Variants in C10orf71 observed in about 807,000 individuals in gnomAD.
The protein encoded by C10orf71 is cardiac-enriched FHL2-interacting protein.
For missense variants in C10orf71, 1,869 were observed against 1,804.5 expected (o/e 1.04, Z -0.65); for synonymous variants, 758 against 726.3 (o/e 1.04, Z -0.70).
upstream of C10orf71, among the ~76,000 whole-genome samples, chr10:49,298,340 AG>A (rs1346890583): frequency 2.0e-5 from 3 of 152,292 alleles, no homozygotes; most frequent in African/African-American, 4.8e-5. Flanking sequence ...TTGGAGAGAA[AG>A]GGGGAAAAAA....
Position 49,326,511 on chromosome 10 carries a change from G to T in C10orf71, c.3966G>T (p.Pro1322=), listed in dbSNP as rs1195206984. 1.9e-6 allele frequency: 3 copies of T among 1,549,972 alleles called. No individual in the cohort carries two copies. The highest frequency in any genetic ancestry group is 4.9e-5 in the East Asian group (2 of 40,880). ...CCTCCGAGGGGGCCTCCCCAGAGCC[G>T]CCCCCACCGGACGCCCTGGCCGCTC... ...IPSSEGASPE[P]PPPDALAAPY... The change falls in exon 3 of 3, where the codon CCG becomes CCT. Residue 1322 remains proline, a synonymous_variant. Transcript: ENST00000374144.
intron 1 of C10orf71, among the ~76,000 whole-genome samples, chr10:49,314,395 T>C (rs903269249): frequency 1.3e-5 from 2 of 152,232 alleles, no homozygotes; most frequent in Middle Eastern, 3.2e-3. Context: ...TCATGCTGCC[T>C]GAAGGGAACA....
chr10:49,323,136 G>A lies in C10orf71; in HGVS notation c.591G>A (p.Arg197=), dbSNP rs565573377. 1 of 1,613,964 alleles carries A rather than the reference G, an allele frequency of 6.2e-7. No homozygotes were observed. Among genetic ancestry groups the A allele is most frequent in the East Asian group, 2.2e-5 (1 of 44,872 alleles). The change falls in exon 3 of 3, where the codon AGG becomes AGA. Residue 197 remains arginine, a synonymous_variant. Coordinates refer to ENST00000374144, the MANE Select transcript of C10orf71 (RefSeq NM_001135196.2). ...CFDSAFLTVR[R]VPAEVSNTHQ... is the part of the protein sequence containing the mutation. ...ATTCTGCCTTTCTGACAGTCAGGAG[G>A]GTGCCCGCTGAAGTTTCCAACACCC...
In C10orf71 at chr10:49,326,307, C is replaced by G. The variant is rs1337570917; in HGVS notation, c.3762C>G (p.Val1254=). The change falls in exon 3 of 3, where the codon GTC becomes GTG. Residue 1254 remains valine (V), a synonymous_variant. Coordinates refer to ENST00000374144, the MANE Select transcript of C10orf71 (RefSeq NM_001135196.2). ...CCGTGTCCGGCTTCTCGGAGCCTGT[C>G]GGGAGGCGGCCCGGGGGCCCCCAGT... ...RHSVSGFSEP[V]GRRPGGPQSL... is the part of the protein sequence containing the mutation. The G allele has an allele frequency of 1.3e-5, 20 of 1,549,568 alleles. No homozygotes were observed. The highest frequency in any genetic ancestry group is 1.7e-5 in the Non-Finnish European group (20 of 1,146,402).
rs538923366 is a variant in C10orf71, at chr10:49,326,483, C to A, written c.3938C>A (p.Pro1313Gln). 9 of 1,550,228 alleles carry A rather than the reference C, an allele frequency of 5.8e-6. No homozygotes were observed. The highest frequency in any genetic ancestry group is 7.0e-6 in the Non-Finnish European group (8 of 1,146,694). The change falls in exon 3 of 3, where the codon CCG becomes CAG. Residue 1313 changes from proline to glutamine, a missense_variant. Transcript: ENST00000374144. ...ETGKYVKVSIPSSEGASPEPP... is the reference protein window; with the variant it reads ...ETGKYVKVSIQSSEGASPEPP... Reference sequence around the variant, plus strand: ...GGCAAGTATGTCAAGGTCTCCATCCCGTCCTCCGAGGGGGCCTCCCCAGAG... The same window carrying A: ...GGCAAGTATGTCAAGGTCTCCATCCAGTCCTCCGAGGGGGCCTCCCCAGAG...
upstream of C10orf71, among the ~76,000 whole-genome samples, chr10:49,298,502 G>A (rs2132389162): frequency 6.6e-6 from 1 of 152,194 alleles, no homozygotes; most frequent in East Asian, 1.9e-4. Context: ...TGGGGAGCAG[G>A]TGACCCCAGC....
At position 49,326,836 on chromosome 10, in the gene C10orf71, A is replaced by G. The variant is rs1259319840; in HGVS notation, c.4291A>G (p.Thr1431Ala). 2 of 1,541,838 alleles carry G rather than the reference A, an allele frequency of 1.3e-6. No homozygotes were observed. The highest frequency in any genetic ancestry group is 1.2e-5 in the South Asian group (1 of 83,920). ...ISTDDLEDFA[T>A]EGIS ...CACTGATGACCTAGAGGACTTTGCC[A>G]CAGAAGGCATTTCTTGAGTTACTGC... Residue 1431 changes from threonine (T) to alanine (A), a missense_variant, in exon 3 of 3, where the codon ACA becomes GCA. Thr to Ala is a moderately conservative substitution (Grantham distance 58, BLOSUM62 0). Transcript: ENST00000374144.
chr10:49,327,072 C>A lies in C10orf71; in HGVS notation c.*219C>A. 6.6e-7 allele frequency: 1 copy of A among 1,505,110 alleles called. No homozygotes were observed. Among genetic ancestry groups the A allele is most frequent in the South Asian group, 1.2e-5 (1 of 80,684 alleles). The allele number at this position is 1,505,110 out of a possible 1,614,324, so 93.2% of individuals were successfully genotyped here. On this transcript the variant is annotated 3_prime_UTR_variant, in exon 3 of 3. Transcript: ENST00000374144. ...CCCTGGCTCTCCTCTGATGGAGGGG[C>A]ACTGCTTGCTTGGCCCGGTCCCCTC...
At chr10:49,301,196 G>A (rs998208828) in intron 1 of C10orf71, among the ~76,000 whole-genome samples, 2 of 152,202 alleles carry the variant, frequency 1.3e-5, no homozygotes, top group African/African-American at 2.4e-5. Context: ...GGTTACTGGA[G>A]GGAAGCAAAG....
intron 2 of C10orf71, among the ~76,000 whole-genome samples, chr10:49,316,830 A>T (rs969185776): frequency 7.9e-5 from 12 of 152,182 alleles, no homozygotes; most frequent in Non-Finnish European, 1.3e-4. Flanking sequence ...GAGCCTCTGC[A>T]GGCACCTTGA....
chr10:49,326,649 C>T lies in C10orf71; in HGVS notation c.4104C>T (p.Ser1368=), dbSNP rs1307081985. 4 of 1,550,090 alleles carry T rather than the reference C, an allele frequency of 2.6e-6. No homozygotes were observed. Among genetic ancestry groups the T allele is most frequent in the East Asian group, 2.4e-5 (1 of 40,894 alleles). Residue 1368 remains serine, a synonymous_variant, in exon 3 of 3, where the codon TCC becomes TCT. Coordinates refer to ENST00000374144, the MANE Select transcript of C10orf71 (RefSeq NM_001135196.2). ...PTFLRQGPRA[S]AARARTQSVH... ...TCCTCAGGCAGGGCCCTCGTGCCTC[C>T]GCGGCCCGCGCCAGGACCCAGAGTG...
rs770056621 is a variant in C10orf71 at position 49,324,694 on chromosome 10, G to A, written c.2149G>A (p.Asp717Asn). Residue 717 changes from aspartate to asparagine, a missense_variant, in exon 3 of 3, where the codon GAT becomes AAT. By Grantham distance (23) the Asp-to-Asn change is conservative. Coordinates refer to ENST00000374144, the MANE Select transcript of C10orf71 (RefSeq NM_001135196.2). The stretch of plus-strand genomic sequence containing the variant: ...TGTGTTTTACAGTGACAGCCAATCC[G>A]ATTTTATGCCAAGCCTCAAAGGTAA... ...EDVFYSDSQS[D>N]FMPSLKGKAK... The A allele has an allele frequency of 2.6e-5, 41 of 1,607,018 alleles. No individual in the cohort carries two copies. In the East Asian group the frequency reaches 2.7e-4, roughly 11 times the overall value.
rs1332624670 is a variant in C10orf71, at chr10:49,325,288, G to A, written c.2743G>A (p.Gly915Ser). The A allele has an allele frequency of 6.4e-7, 1 of 1,551,608 alleles. No individual in the cohort carries two copies. The highest frequency in any genetic ancestry group is 1.4e-5 in the African/African-American group (1 of 73,038). Residue 915 changes from glycine (G) to serine (S), a missense_variant, in exon 3 of 3, where the codon GGT becomes AGT. By Grantham distance (56) the Gly-to-Ser change is moderately conservative (BLOSUM62 0). Coordinates refer to ENST00000374144, the MANE Select transcript of C10orf71 (RefSeq NM_001135196.2). Reference protein sequence around the residue: ...FCAPENQDILGTSTPTNTRGT... With the variant: ...FCAPENQDILSTSTPTNTRGT... ...TGCCCCCGAAAACCAGGACATTCTT[G>A]GTACATCGACACCCACTAACACACG...
chr10:49,297,781 T>A (rs1848661515), upstream of C10orf71, among the ~76,000 whole-genome samples: 1 of 152,234 alleles, frequency 6.6e-6, no homozygotes, highest in African/African-American at 2.4e-5. Flanking sequence ...CTCAAGTTGA[T>A]GGCTTTTGTC....
chr10:49,305,434 G>A (rs1848796329), intron 1 of C10orf71, among the ~76,000 whole-genome samples: 1 of 152,180 alleles, frequency 6.6e-6, no homozygotes, highest in Non-Finnish European at 1.5e-5. Flanking sequence ...TAACTCCTGT[G>A]TAATGAGGCT....
Position 49,326,477 on chromosome 10 carries a change from C to T in C10orf71, c.3932C>T (p.Ser1311Phe), listed in dbSNP as rs1446933970. 6.5e-7 allele frequency: 1 copy of T among 1,550,094 alleles called. No individual in the cohort carries two copies. Among genetic ancestry groups the T allele is most frequent in the Non-Finnish European group, 8.7e-7 (1 of 1,146,700 alleles). Reference sequence around the variant, plus strand: ...GAGACGGGCAAGTATGTCAAGGTCTCCATCCCGTCCTCCGAGGGGGCCTCC... The same window carrying T: ...GAGACGGGCAAGTATGTCAAGGTCTTCATCCCGTCCTCCGAGGGGGCCTCC... The part of the protein sequence containing the change: ...DPETGKYVKV[S>F]IPSSEGASPE... Residue 1311 changes from serine (S) to phenylalanine (F), a missense_variant, in exon 3 of 3, where the codon TCC becomes TTC. Coordinates refer to ENST00000374144, the MANE Select transcript of C10orf71 (RefSeq NM_001135196.2).
chr10:49,327,183 C>T lies in C10orf71; in HGVS notation c.*330C>T, dbSNP rs561042864. 4 of 647,788 alleles carry T rather than the reference C, an allele frequency of 6.2e-6. No individual in the cohort carries two copies. The highest frequency in any genetic ancestry group is 9.4e-6 in the Non-Finnish European group (4 of 425,722). The allele number at this position is 647,788 out of a possible 1,614,324, so 40.1% of individuals were successfully genotyped here. On this transcript the variant is annotated 3_prime_UTR_variant, in exon 3 of 3. Transcript: ENST00000374144. ...CCTGGCCCACCCTGCTCTTCCCTCG[C>T]CCTGCAAATTAGGTGGGTGTGGCAA...
chr10:49,298,868 G>C (rs1010199189), upstream of C10orf71: 1 of 152,120 alleles, frequency 6.6e-6, no homozygotes, highest in African/African-American at 2.4e-5. Context: ...TTTCTGCCCC[G>C]GGACATCAGC....
At chr10:49,321,016 T>A (rs1168904030) in intron 2 of C10orf71, among the ~76,000 whole-genome samples, 2 of 152,080 alleles carry the variant, frequency 1.3e-5, no homozygotes, top group African/African-American at 4.8e-5. Flanking sequence ...AAACTATCCA[T>A]CACCTCCAAA....
Sources: allele counts gnomAD v4.1 joint callset (sites outside exome capture counted in the v4.1 genomes callset), GRCh38; gene constraint gnomAD v4.1.1; transcripts MANE v1.5; gene names NCBI Gene and HGNC (gene_info 2026-07-23, HGNC 2026-07-21).